ATP10A: variants seen among roughly 807,000 people sequenced by gnomAD.
ATP10A encodes ATPase phospholipid transporting 10A (putative), also known as phospholipid-transporting ATPase VA.
A neutral mutation model predicts 147.8 loss-of-function variants in ATP10A; 111 were observed. The ratio of observed to expected loss-of-function variants is 0.75; its 90% CI spans 0.64 to 0.88. The LOEUF is 0.88. Among genes scored for constraint, ATP10A ranks in the 40% least tolerant of loss-of-function variants. The probability of loss-of-function intolerance (pLI) is 0.00; values close to 1 mark genes in which losing one functional copy is unlikely to be tolerated. For missense variants in ATP10A, 1,927 were observed against 1,959.0 expected (o/e 0.98, Z 0.31); for synonymous variants, 875 against 841.6 (o/e 1.04, Z -0.69).
chr15:25,759,968 A>AT (rs11343295), intron 2 of ATP10A, among the ~76,000 whole-genome samples: 51 of 147,130 alleles, frequency 3.5e-4, no homozygotes, highest in Admixed American at 1.1e-3. Flanking sequence ...TGATCATGTA[A>AT]TTTTTTTTTT....
intron 1 of ATP10A, among the ~76,000 whole-genome samples, chr15:25,834,180 A>C (rs1415733338): frequency 1.3e-5 from 2 of 152,220 alleles, no homozygotes; most frequent in Non-Finnish European, 2.9e-5. Context: ...AAAAATAATA[A>C]TTTAAAAAGT....
At chr15:25,768,432 A>G (rs2140654648) in intron 2 of ATP10A, among the ~76,000 whole-genome samples, 1 of 151,550 alleles carries the variant, frequency 6.6e-6, no homozygotes, top group Admixed American at 6.6e-5. Flanking sequence ...GGGCACCTGG[A>G]CTCCCATCCT....
At chr15:25,702,472 C>A (rs976743423) in intron 12 of ATP10A, among the ~76,000 whole-genome samples, 2 of 152,154 alleles carry the variant, frequency 1.3e-5, no homozygotes, top group African/African-American at 4.8e-5. Flanking sequence ...TTGGGAATGA[C>A]GATATTCGGA....
chr15:25,788,404 T>A lies in ATP10A; in HGVS notation c.450-7181A>T, dbSNP rs114901556. Among the ~76,000 whole-genome samples the A allele has an allele frequency of 4.9e-3, 739 of 152,236 alleles. 11 individuals carry two copies. Among genetic ancestry groups the A allele is most frequent in the African/African-American group, 0.017 (697 of 41,542 alleles). ...ACGGGGGTCTGTAGGATCGCTACAG[T>A]CTCCCCCAGCAGACACTGACCCATT... On this transcript the variant is annotated intron_variant, in intron 1 of 20. Coordinates refer to ENST00000555815, the MANE Select transcript of ATP10A (RefSeq NM_024490.4).
chr15:25,698,716 A>C (rs908876754), intron 13 of ATP10A, among the ~76,000 whole-genome samples: 1 of 152,230 alleles, frequency 6.6e-6, no homozygotes, highest in Non-Finnish European at 1.5e-5. Flanking sequence ...AATGTTGTAC[A>C]GATGGTCCCT....
chr15:25,725,810 G>A (rs1902507343), intron 5 of ATP10A, 141 bp downstream of exon 5: 1 of 1,030,768 alleles, frequency 9.7e-7, no homozygotes, highest in Non-Finnish European at 1.3e-6. Context: ...GTAGAGATGG[G>A]ATTTCACCAT....
chr15:25,777,402 C>T (rs1008435640), intron 2 of ATP10A, among the ~76,000 whole-genome samples: 10 of 152,110 alleles, frequency 6.6e-5, no homozygotes, highest in African/African-American at 2.2e-4. Context: ...TGGCACCTCC[C>T]TGGCAATAGC....
At chr15:25,738,514 T>G (rs4906630) in intron 2 of ATP10A, 124,426 of 152,184 alleles carry the variant, frequency 0.82, 51,291 homozygotes, top group Admixed American at 0.89. Flanking sequence ...TTTCATTTAC[T>G]GCCATGCCAC....
At chr15:25,681,880 C>T (rs1022848070) in intron 17 of ATP10A, among the ~76,000 whole-genome samples, 25 of 151,976 alleles carry the variant, frequency 1.6e-4, no homozygotes, top group African/African-American at 5.1e-4. Context: ...GGTGAAACCC[C>T]GTCTCTACTA....
Position 25,714,008 on chromosome 15 carries a change from G to A in ATP10A, c.2010C>T (p.Tyr670=), listed in dbSNP as rs182585342. 7 of 1,610,244 alleles carry A rather than the reference G, an allele frequency of 4.3e-6. No homozygotes were observed. Among genetic ancestry groups the A allele is most frequent in the African/African-American group, 1.3e-5 (1 of 75,070 alleles). Residue 670 remains tyrosine (Y), a synonymous_variant, in exon 10 of 21, where the codon TAC becomes TAT. Transcript: ENST00000555815. ...AGGCCCAGTTGTCCGCCTGGCTGCT[G>A]TAGCCGTTGCTGGCGATGGCCGAGG... ...QPTSAIASNG[Y]SSQADNWASE...
At position 25,749,408 on chromosome 15, in the gene ATP10A, A is replaced by T. The variant is rs1050602619; in HGVS notation, c.655-13267T>A. Among the ~76,000 whole-genome samples, 11 of 152,334 alleles carry T rather than the reference A, an allele frequency of 7.2e-5. No homozygotes were observed. In the South Asian group the frequency reaches 2.3e-3, roughly 32 times the overall value. ...GTCAGTGCCTGCTTCCACCAGCCAC[A>T]CTGGAAAAACTAATCATTCATCAGC... On this transcript the variant is annotated intron_variant, in intron 2 of 20. Coordinates refer to ENST00000555815, the MANE Select transcript of ATP10A (RefSeq NM_024490.4).
chr15:25,786,341 T>C (rs1890158335), intron 1 of ATP10A, among the ~76,000 whole-genome samples: 1 of 152,160 alleles, frequency 6.6e-6, no homozygotes, highest in Non-Finnish European at 1.5e-5. Context: ...CTCGAATGTG[T>C]GCCCGTCACC....
Position 25,702,071 on chromosome 15 carries a change from C to G in ATP10A, c.2605G>C (p.Asp869His), listed in dbSNP as rs752991544. 1 of 1,613,566 alleles carries G rather than the reference C, an allele frequency of 6.2e-7. No individual in the cohort carries two copies. Among genetic ancestry groups the G allele is most frequent in the Non-Finnish European group, 8.5e-7 (1 of 1,179,718 alleles). Residue 869 changes from aspartate (D) to histidine (H), a missense_variant, in exon 13 of 21, where the codon GAC (aspartate) becomes CAC (histidine). Coordinates refer to ENST00000555815, the MANE Select transcript of ATP10A (RefSeq NM_024490.4). ...TTAGAAATAGTTTCAGGGACTCCGT[C>G]CTGCAGGCGGTCTTCAATCCCAGTG... ...GATGIEDRLQ[D>H]GVPETISKLR...
At chr15:25,732,558 C>CTACATGCGACACCTTCTTTTTTTTTTT (rs1555461688) in intron 3 of ATP10A, among the ~76,000 whole-genome samples, 7 of 84,146 alleles carry the variant, frequency 8.3e-5, no homozygotes, top group Non-Finnish European at 1.3e-4. Context: ...GCGACACCTT[C>CTACATGCGACACCTTCTTTTTTTTTTT]TTTTTTTTTT....
intron 2 of ATP10A, among the ~76,000 whole-genome samples, chr15:25,777,460 C>T (rs988937124): frequency 2.0e-5 from 3 of 152,114 alleles, no homozygotes; most frequent in Non-Finnish European, 2.9e-5. Flanking sequence ...ACCAGTACAG[C>T]CCCTAAGTAC....
chr15:25,817,497 A>G (rs1052922729), intron 1 of ATP10A, among the ~76,000 whole-genome samples: 31 of 152,362 alleles, frequency 2.0e-4, no homozygotes, highest in African/African-American at 6.0e-4. Flanking sequence ...CTGAAATGCA[A>G]ATATTAGCAA....
downstream of ATP10A, among the ~76,000 whole-genome samples, chr15:25,673,500 T>C (rs1899081572): frequency 6.8e-6 from 1 of 148,004 alleles, no homozygotes; most frequent in Non-Finnish European, 1.5e-5. Flanking sequence ...TGTCCTCACA[T>C]GTGTGGCCAC....
At chr15:25,831,080 C>G (rs1253410808) in intron 1 of ATP10A, among the ~76,000 whole-genome samples, 2 of 152,200 alleles carry the variant, frequency 1.3e-5, no homozygotes, top group African/African-American at 2.4e-5. Context: ...AGCCACTCAC[C>G]CCACCTTCCC....
At chr15:25,764,514 C>CCT (rs147047284) in intron 2 of ATP10A, among the ~76,000 whole-genome samples, 1 of 151,212 alleles carries the variant, frequency 6.6e-6, no homozygotes, top group Non-Finnish European at 1.5e-5. Context: ...CGAAGTTCTG[C>CCT]CTCTCTCTCT....
Sources: allele counts gnomAD v4.1 joint callset (sites outside exome capture counted in the v4.1 genomes callset), GRCh38; gene constraint gnomAD v4.1.1; transcripts MANE v1.5; gene names NCBI Gene and HGNC (gene_info 2026-07-23, HGNC 2026-07-21).